Variants in TEKT3 observed in about 807,000 individuals in gnomAD.
TEKT3 encodes the protein tektin 3.
A neutral mutation model predicts 49.8 loss-of-function variants in TEKT3; 49 were observed. The ratio of observed to expected loss-of-function variants is 0.98; its 90% CI spans 0.78 to 1.25. The LOEUF is 1.25. TEKT3 is among the 50% of genes most tolerant of loss of function. TEKT3 has a pLI of 0.00. For missense variants in TEKT3, 595 were observed against 629.5 expected (o/e 0.95, Z 0.59); for synonymous variants, 225 against 237.2 (o/e 0.95, Z 0.47).
intron 7 of TEKT3, 156 bp from the exon 8 acceptor site, chr17:15,308,974 C>T: frequency 1.2e-6 from 1 of 851,200 alleles, no homozygotes; most frequent in Non-Finnish European, 1.8e-6. Context: ...TCCAGCCCTG[C>T]CCCAGGGAAC....
At chr17:15,340,262 A>G (rs185260434) in intron 1 of TEKT3, among the ~76,000 whole-genome samples, 78 of 152,208 alleles carry the variant, frequency 5.1e-4, no homozygotes, top group Admixed American at 1.2e-3. Flanking sequence ...TTAAAAAGTA[A>G]CAGTAGGCCG....
At chr17:15,320,943 T>G (rs1911225481) in intron 4 of TEKT3, among the ~76,000 whole-genome samples, 1 of 152,064 alleles carries the variant, frequency 6.6e-6, no homozygotes, top group South Asian at 2.1e-4. Context: ...TGGAAATTCT[T>G]AGGACTTTTA....
Position 15,304,054 on chromosome 17 carries a change from T to G in TEKT3, c.1355A>C (p.Lys452Thr). ...EDTLQSLVHI[K>T]ATLEYDLAVK... is the part of the protein sequence containing the mutation. ...AGCCAGGTCATACTCGAGTGTGGCTTTGATGTGGACCAGCGACTGCAGGGT... is the reference window on the plus strand; with the variant it reads ...AGCCAGGTCATACTCGAGTGTGGCTGTGATGTGGACCAGCGACTGCAGGGT... The change falls in exon 9 of 9, where the codon AAA (lysine) becomes ACA (threonine). Residue 452 changes from lysine to threonine, a missense_variant. Lys to Thr is a moderately conservative substitution (Grantham distance 78, BLOSUM62 -1). Coordinates refer to ENST00000395930, the MANE Select transcript of TEKT3 (RefSeq NM_031898.3). This position sits in a 1 kb window ranked among gnomAD's most constrained non-coding sequence, Gnocchi z 4.7. 1 of 1,614,162 alleles carries G rather than the reference T, an allele frequency of 6.2e-7. No homozygotes were observed. The highest frequency in any genetic ancestry group is 1.3e-5 in the African/African-American group (1 of 75,050).
At chr17:15,327,825 A>T in intron 4 of TEKT3, 167 bp downstream of exon 4, 2 of 522,334 alleles carry the variant, frequency 3.8e-6, no homozygotes, top group East Asian at 5.8e-5. Context: ...CTCATTGAAT[A>T]TATGTTATAA....
intron 3 of TEKT3, among the ~76,000 whole-genome samples, chr17:15,330,024 C>A (rs1025367967): frequency 6.6e-6 from 1 of 152,120 alleles, no homozygotes; most frequent in Admixed American, 6.5e-5. Context: ...CATTCAGAAG[C>A]CTGGTCAGAG....
chr17:15,333,874 C>T lies in TEKT3; in HGVS notation c.-29-2260G>A, dbSNP rs1382142907. Among the ~76,000 whole-genome samples, 3 of 151,536 alleles carry T rather than the reference C, an allele frequency of 2.0e-5. 1 individual carries two copies. The highest frequency in any genetic ancestry group is 7.3e-5 in the African/African-American group (3 of 41,228). On this transcript the variant is annotated intron_variant, in intron 2 of 8. Transcript: ENST00000395930. ...TCCCAGGTTCACACCATTCTCCTGC[C>T]TCCTCAGCCTCCCGAGTAGCTGGGA...
intron 6 of TEKT3, 52 bp from the exon 7 acceptor site, chr17:15,312,533 C>T: frequency 6.5e-7 from 1 of 1,528,692 alleles, no homozygotes; most frequent in Non-Finnish European, 9.0e-7. Flanking sequence ...AATCAGCCTA[C>T]AGGATCGCTA....
At chr17:15,339,003 C>T (rs1390646759) in intron 2 of TEKT3, among the ~76,000 whole-genome samples, 3 of 152,048 alleles carry the variant, frequency 2.0e-5, no homozygotes, top group African/African-American at 7.2e-5. Flanking sequence ...GAATGTTTCC[C>T]TCTAAAACTC....
chr17:15,311,910 G>A (rs908835593), intron 7 of TEKT3, among the ~76,000 whole-genome samples: 2 of 152,144 alleles, frequency 1.3e-5, no homozygotes, highest in Non-Finnish European at 2.9e-5. Context: ...TACTTTAACA[G>A]AAAACATTTC....
At chr17:15,323,176 C>T (rs1911338236) in intron 4 of TEKT3, among the ~76,000 whole-genome samples, 1 of 152,218 alleles carries the variant, frequency 6.6e-6, no homozygotes, top group Non-Finnish European at 1.5e-5. Context: ...GGCTGAAATG[C>T]TGAAACGTCT....
intron 5 of TEKT3, among the ~76,000 whole-genome samples, chr17:15,316,835 G>T (rs1911032648): frequency 6.6e-6 from 1 of 152,206 alleles, no homozygotes; most frequent in African/African-American, 2.4e-5. Flanking sequence ...TAACATGGGT[G>T]ATTTTTATGA....
Position 15,325,372 on chromosome 17 carries a change from G to A in TEKT3, c.663+2620C>T, listed in dbSNP as rs955362424. Among the ~76,000 whole-genome samples the A allele has an allele frequency of 3.3e-5, 5 of 152,156 alleles. No individual in the cohort carries two copies. The South Asian group carries it at 1.0e-3, about 32-fold the overall frequency. ...TCTTAACACGAACATCCATGTTTAT[G>A]GATGTTCCCATCCATAGACATGATA... is the stretch of plus-strand genomic sequence containing the variant. On this transcript the variant is annotated intron_variant, in intron 4 of 8. Transcript: ENST00000395930.
Position 15,327,431 on chromosome 17 carries a change from G to T in TEKT3, c.663+561C>A, listed in dbSNP as rs1224435596. ...CTTGGGAGGCTGAGGCAGGAGAATT[G>T]CTTGAACCTAGGAGGCAGAGGTTGC... On this transcript the variant is annotated intron_variant, in intron 4 of 8. Coordinates refer to ENST00000395930, the MANE Select transcript of TEKT3 (RefSeq NM_031898.3). Among the ~76,000 whole-genome samples the T allele has an allele frequency of 2.0e-5, 3 of 151,836 alleles. No homozygotes were observed. The East Asian group carries it at 5.8e-4, about 29-fold the overall frequency.
At chr17:15,341,654 G>T (rs1175618939), upstream of TEKT3, 2 of 152,280 alleles carry the variant, frequency 1.3e-5, no homozygotes, top group African/African-American at 4.8e-5. Context: ...CGATAGCAGC[G>T]CCTGAGGGCC....
chr17:15,316,036 G>C (rs1041613222), intron 5 of TEKT3, among the ~76,000 whole-genome samples: 1 of 152,196 alleles, frequency 6.6e-6, no homozygotes, highest in Non-Finnish European at 1.5e-5. Flanking sequence ...GTGTAAATGA[G>C]AGTAGCGACA....
intron 3 of TEKT3, among the ~76,000 whole-genome samples, chr17:15,328,954 C>G (rs1391034226): frequency 1.3e-5 from 2 of 152,088 alleles, no homozygotes; most frequent in African/African-American, 2.4e-5. Context: ...TGAACAAAAA[C>G]TTTAAGTGAA....
Position 15,308,699 on chromosome 17 carries a change from C to A in TEKT3, c.1221G>T (p.Pro407=), listed in dbSNP as rs1028605228. The A allele has an allele frequency of 1.2e-6, 2 of 1,612,746 alleles. No homozygotes were observed. Among genetic ancestry groups the A allele is most frequent in the Non-Finnish European group, 1.7e-6 (2 of 1,179,620 alleles). ...CCATGTCTCGGCACAACTCAATGTT[C>A]GGCCGTCTTGTGCGCTCATCCAGTC... is the stretch of plus-strand genomic sequence containing the variant. ...QTRLDERTRR[P]NIELCRDMAQ... is the part of the protein sequence containing the mutation. Residue 407 remains proline, a synonymous_variant, in exon 8 of 9, where the codon CCG becomes CCT. Coordinates refer to ENST00000395930, the MANE Select transcript of TEKT3 (RefSeq NM_031898.3).
At position 15,308,752 on chromosome 17, in the gene TEKT3, T is replaced by G. The variant is rs139377936; in HGVS notation, c.1168A>C (p.Thr390Pro). 7 of 1,613,900 alleles carry G rather than the reference T, an allele frequency of 4.3e-6. No individual in the cohort carries two copies. The African/African-American group carries it at 9.3e-5, about 22-fold the overall frequency. ...GTCTGAGCCACCTTCAGGAAGGCAG[T>G]CTTGTCCTTGATGGCCTTCTTGATG... ...ESIKKAIKDK[T>P]AFLKVAQTRL... The change falls in exon 8 of 9, where the codon ACT becomes CCT. Residue 390 changes from threonine (T) to proline (P), a missense_variant. Thr to Pro is a conservative substitution (Grantham distance 38). Transcript: ENST00000395930.
Position 15,337,541 on chromosome 17 carries a change from T to A in TEKT3, c.-30+2487A>T, listed in dbSNP as rs117461031. Among the ~76,000 whole-genome samples the A allele has an allele frequency of 2.9e-3, 434 of 152,158 alleles. 4 individuals are homozygous for A. The highest frequency in any genetic ancestry group is 0.023 in the East Asian group (117 of 5,180). ...TCTCACTTTAAATATAAAACACAAA[T>A]AAGTTAAAAATAAAAATATGGGCTG... is the stretch of plus-strand genomic sequence containing the variant. On this transcript the variant is annotated intron_variant, in intron 2 of 8. Transcript: ENST00000395930.
Sources: gnomAD v4.1 joint callset for allele counts (sites outside exome capture counted in the v4.1 genomes callset) on GRCh38, gnomAD v4.1.1 for gene constraint, Gnocchi (gnomAD v3.1) non-coding constraint, MANE v1.5 for transcripts, NCBI Gene and HGNC (gene_info 2026-07-23, HGNC 2026-07-21) for gene names.